The following PRRG1 variants were observed in gnomAD, a reference collection of about 807,000 sequenced individuals.
The protein encoded by PRRG1 is proline rich and Gla domain 1, also known as transmembrane gamma-carboxyglutamic acid protein 1.
Under a neutral mutation model 11.8 loss-of-function variants are expected in PRRG1, and 5 were observed. The observed-to-expected ratio is 0.42, with a 90% CI of 0.22 to 0.89. PRRG1 has a LOEUF of 0.89. Among genes scored for constraint, PRRG1 ranks in the 40% least tolerant of loss-of-function variants. PRRG1 has a pLI of 0.28. For missense variants in PRRG1, 155 were observed against 166.1 expected (o/e 0.93, Z 0.37); for synonymous variants, 66 against 60.4 (o/e 1.09, Z -0.43).
chrX:37,358,265 T>C (rs960475786), intron 1 of PRRG1, among the ~76,000 whole-genome samples: 1 of 112,177 alleles, frequency 8.9e-6, no homozygotes, highest in Non-Finnish European at 1.9e-5. Flanking sequence ...AAATCCAGCT[T>C]ATCAGTCCTT....
chrX:37,409,144 C>T (rs782244356), intron 2 of PRRG1, among the ~76,000 whole-genome samples: 1 of 111,780 alleles, frequency 8.9e-6, no homozygotes, highest in Admixed American at 9.5e-5. Flanking sequence ...TTAACACATA[C>T]TTTATATGCT....
chrX:37,384,080 A>G (rs1370431750), intron 1 of PRRG1, among the ~76,000 whole-genome samples: 2 of 110,449 alleles, frequency 1.8e-5, no homozygotes, highest in Non-Finnish European at 3.8e-5. Context: ...GAAGGTTAGT[A>G]TATACTTACT....
In PRRG1 at chrX:37,453,932, A is replaced by G. The variant is rs1921256728; in HGVS notation, c.*311A>G. 6.5e-6 allele frequency: 1 copy of G among 153,061 alleles called. No homozygotes were observed. Among genetic ancestry groups the G allele is most frequent in the Non-Finnish European group, 1.2e-5 (1 of 80,572 alleles). The allele number at this position is 153,061 out of a possible 1,213,427, so 12.6% of individuals were successfully genotyped here. ...ATACGTGTGTATGCATCAACACAGT[A>G]TATGTAAAACTGTCTTAAAAATCCA... On this transcript the variant is annotated 3_prime_UTR_variant, in exon 4 of 4. Coordinates refer to ENST00000378628, the MANE Select transcript of PRRG1 (RefSeq NM_001142395.2).
chrX:37,423,302 A>G (rs966022152), intron 2 of PRRG1, among the ~76,000 whole-genome samples: 2 of 110,716 alleles, frequency 1.8e-5, no homozygotes, highest in Non-Finnish European at 3.8e-5. Flanking sequence ...AAATTTTTAA[A>G]TAGGAAAAAG....
At chrX:37,390,175 C>G (rs1931476417) in intron 1 of PRRG1, among the ~76,000 whole-genome samples, 1 of 111,326 alleles carries the variant, frequency 9.0e-6, no homozygotes, top group Non-Finnish European at 1.9e-5. Context: ...GAAGCTCCCT[C>G]AAGCCTCTTT....
At chrX:37,415,793 G>A (rs1255576104) in intron 2 of PRRG1, among the ~76,000 whole-genome samples, 5 of 111,286 alleles carry the variant, frequency 4.5e-5, no homozygotes, top group African/African-American at 1.6e-4. Context: ...CCTTATTTAG[G>A]ATCTCCCACA....
intron 1 of PRRG1, among the ~76,000 whole-genome samples, chrX:37,367,615 C>CT (rs782554142): frequency 4.7e-4 from 52 of 111,039 alleles, no homozygotes; most frequent in Non-Finnish European, 5.1e-4. Flanking sequence ...GAGCAATGGA[C>CT]TATGTAGGTA....
intron 2 of PRRG1, among the ~76,000 whole-genome samples, chrX:37,416,900 A>C (rs1157303571): frequency 9.0e-6 from 1 of 111,609 alleles, no homozygotes; most frequent in Non-Finnish European, 1.9e-5. Flanking sequence ...ATTTCTCTCT[A>C]TGTCCTTTTT....
chrX:37,402,320 G>T (rs1298427857), intron 1 of PRRG1, among the ~76,000 whole-genome samples: 1 of 111,335 alleles, frequency 9.0e-6, no homozygotes, highest in Non-Finnish European at 1.9e-5. Context: ...AGAGCCCTCA[G>T]AAATAATACT....
intron 3 of PRRG1, among the ~76,000 whole-genome samples, chrX:37,431,758 GT>G (rs782375511): frequency 9.0e-6 from 1 of 111,293 alleles, no homozygotes; most frequent in Non-Finnish European, 1.9e-5. Flanking sequence ...TGTGAACAAT[GT>G]TTTTTTGTTG....
At chrX:37,415,095 A>G (rs372267370) in intron 2 of PRRG1, among the ~76,000 whole-genome samples, 2 of 112,166 alleles carry the variant, frequency 1.8e-5, no homozygotes, top group East Asian at 5.6e-4. Context: ...TAGATCGTAT[A>G]TGTATAAATG....
At chrX:37,358,047 A>G (rs970132127) in intron 1 of PRRG1, among the ~76,000 whole-genome samples, 2 of 110,521 alleles carry the variant, frequency 1.8e-5, no homozygotes, top group African/African-American at 6.6e-5. Context: ...ATCCATCTGT[A>G]TATCTTCTTT....
chrX:37,452,930 A>G (rs145683355), intron 3 of PRRG1, among the ~76,000 whole-genome samples: 561 of 112,231 alleles, frequency 5.0e-3, no homozygotes, highest in Non-Finnish European at 8.3e-3. Flanking sequence ...CTGACTGACC[A>G]TTTTAGGGAG....
At chrX:37,441,524 T>C (rs1347138967) in intron 3 of PRRG1, 7 of 756,857 alleles carry the variant, frequency 9.2e-6, no homozygotes, top group Non-Finnish European at 1.1e-5. Flanking sequence ...GTGCCTGCCA[T>C]GGCCACCACC....
At chrX:37,446,632 G>A (rs782322785) in intron 3 of PRRG1, among the ~76,000 whole-genome samples, 1 of 111,508 alleles carries the variant, frequency 9.0e-6, no homozygotes, top group East Asian at 2.8e-4. Context: ...TTCCCGTTTT[G>A]TGTGTTACTA....
chrX:37,402,578 G>T (rs1556380756), intron 1 of PRRG1, among the ~76,000 whole-genome samples: 1 of 111,508 alleles, frequency 9.0e-6, no homozygotes, highest in Non-Finnish European at 1.9e-5. Flanking sequence ...CATAGGCAAG[G>T]ACTTCATGTC....
intron 1 of PRRG1, among the ~76,000 whole-genome samples, chrX:37,357,287 T>C (rs782282804): frequency 6.2e-5 from 7 of 112,252 alleles, no homozygotes; most frequent in Non-Finnish European, 1.3e-4. Context: ...TGTACCACAG[T>C]TTATTCATTC....
At chrX:37,362,035 T>A (rs782119379) in intron 1 of PRRG1, among the ~76,000 whole-genome samples, 49 of 112,339 alleles carry the variant, frequency 4.4e-4, no homozygotes, top group African/African-American at 1.5e-3. Context: ...TAATTTCCTG[T>A]GTAATTTTAT....
intron 2 of PRRG1, among the ~76,000 whole-genome samples, chrX:37,419,009 T>C (rs1303176929): frequency 8.9e-6 from 1 of 112,206 alleles, no homozygotes; most frequent in African/African-American, 3.2e-5. Flanking sequence ...TGTATGACCT[T>C]GGTCATCTCT....
Sources: gnomAD v4.1 joint callset for allele counts (sites outside exome capture counted in the v4.1 genomes callset) on GRCh38, gnomAD v4.1.1 for gene constraint, MANE v1.5 for transcripts, NCBI Gene and HGNC (gene_info 2026-07-23, HGNC 2026-07-21) for gene names.